Variants in ANKRD30BL observed in about 807,000 individuals in gnomAD.
ANKRD30BL encodes ankyrin repeat domain 30B like, also known as putative ankyrin repeat domain-containing protein 30B-like.
In ANKRD30BL, 20 loss-of-function variants were observed where a neutral mutation model predicts 18.4. That is an observed-to-expected ratio of 1.09 (90% confidence interval 0.77 to 1.58). The LOEUF is 1.58. Among genes scored for constraint, ANKRD30BL ranks in the 40% most tolerant of loss-of-function variants. ANKRD30BL has a pLI of 0.00. For synonymous variants in ANKRD30BL, 72 were observed against 100.9 expected (o/e 0.71, Z 1.72); for missense variants, 224 against 268.6 (o/e 0.83, Z 1.16).
At chr2:132,152,924 A>C (rs1171039288) in intron 4 of ANKRD30BL, among the ~76,000 whole-genome samples, 2 of 152,202 alleles carry the variant, frequency 1.3e-5, no homozygotes, top group Non-Finnish European at 1.5e-5. Flanking sequence ...TCTAGCTGCC[A>C]GAGTGGGGTG....
At chr2:132,221,914 G>A (rs1404891745) in intron 1 of ANKRD30BL, among the ~76,000 whole-genome samples, 2 of 127,408 alleles carry the variant, frequency 1.6e-5, no homozygotes, top group East Asian at 4.8e-4. Context: ...CTGGGAGGGA[G>A]GTGGGGGGAT....
At chr2:132,221,905 T>C (rs371462825) in intron 1 of ANKRD30BL, among the ~76,000 whole-genome samples, 6,688 of 88,678 alleles carry the variant, frequency 0.075, 792 homozygotes, top group African/African-American at 0.27. Context: ...CCGCCCCGTC[T>C]GGGAGGGAGG....
intron 1 of ANKRD30BL, among the ~76,000 whole-genome samples, chr2:132,212,641 C>T (rs1231963239): frequency 6.6e-6 from 1 of 151,344 alleles, no homozygotes; most frequent in East Asian, 1.9e-4. Flanking sequence ...ACAATCTTCA[C>T]TTAAGTACTA....
At chr2:132,148,599 T>C (rs955081961) in intron 5 of ANKRD30BL, among the ~76,000 whole-genome samples, 1 of 151,764 alleles carries the variant, frequency 6.6e-6, no homozygotes, top group African/African-American at 2.4e-5. Context: ...CAAACTCCTG[T>C]GCTCAAGCAA....
chr2:132,237,222 A>C (rs145168280), intron 1 of ANKRD30BL, among the ~76,000 whole-genome samples: 1 of 152,096 alleles, frequency 6.6e-6, no homozygotes, highest in African/African-American at 2.4e-5. Context: ...GCAAGTATAC[A>C]TATGTAACTA....
At chr2:132,202,724 T>C (rs1679132551) in intron 1 of ANKRD30BL, among the ~76,000 whole-genome samples, 1 of 152,240 alleles carries the variant, frequency 6.6e-6, no homozygotes, top group Non-Finnish European at 1.5e-5. Flanking sequence ...TATATATATA[T>C]TTGCGTACAC....
chr2:132,206,030 C>A (rs567339379), intron 1 of ANKRD30BL, among the ~76,000 whole-genome samples: 6 of 151,676 alleles, frequency 4.0e-5, no homozygotes, highest in Non-Finnish European at 8.8e-5. Context: ...TGGTGTTGGG[C>A]GCCTGTAATC....
intron 1 of ANKRD30BL, among the ~76,000 whole-genome samples, chr2:132,217,139 G>A (rs796290455): frequency 6.6e-5 from 10 of 152,154 alleles, no homozygotes; most frequent in African/African-American, 2.2e-4. Flanking sequence ...TCTTTGTGAT[G>A]TCAGCATTCC....
intron 1 of ANKRD30BL, among the ~76,000 whole-genome samples, chr2:132,192,248 G>A (rs1397036102): frequency 7.2e-5 from 11 of 152,138 alleles, no homozygotes; most frequent in Admixed American, 5.2e-4. Flanking sequence ...AGAGTGCAGG[G>A]CAGGACAGGG....
intron 1 of ANKRD30BL, among the ~76,000 whole-genome samples, chr2:132,203,990 T>C (rs10928290): frequency 1.3e-4 from 19 of 150,364 alleles, no homozygotes; most frequent in Non-Finnish European, 2.1e-4. Context: ...TAATTATGTA[T>C]TCATTGTTTT....
chr2:132,164,717 A>T (rs1054791235), upstream of ANKRD30BL, among the ~76,000 whole-genome samples: 1 of 152,138 alleles, frequency 6.6e-6, no homozygotes, highest in Non-Finnish European at 1.5e-5. Flanking sequence ...TCCCCAGAAC[A>T]CCTACTTTGT....
chr2:132,182,077 G>T (rs1367124466), intron 1 of ANKRD30BL, among the ~76,000 whole-genome samples: 3 of 151,678 alleles, frequency 2.0e-5, no homozygotes, highest in African/African-American at 7.3e-5. Context: ...TTGCACCACT[G>T]CACTCTAGCC....
At chr2:132,203,100 A>G (rs1205746581) in intron 1 of ANKRD30BL, among the ~76,000 whole-genome samples, 7 of 152,156 alleles carry the variant, frequency 4.6e-5, no homozygotes, top group Admixed American at 1.3e-4. Flanking sequence ...TCAACCACAA[A>G]CCACCCACCC....
intron 1 of ANKRD30BL, among the ~76,000 whole-genome samples, chr2:132,177,695 A>G (rs1049567506): frequency 1.3e-5 from 2 of 152,202 alleles, no homozygotes; most frequent in African/African-American, 2.4e-5. Flanking sequence ...CTGGATTTCA[A>G]TATAGCATTT....
intron 1 of ANKRD30BL, among the ~76,000 whole-genome samples, chr2:132,189,120 A>T (rs370677038): frequency 6.6e-5 from 10 of 152,350 alleles, no homozygotes; most frequent in Non-Finnish European, 7.3e-5. Context: ...CATACAATAG[A>T]AAGCCCCAGC....
intron 4 of ANKRD30BL, among the ~76,000 whole-genome samples, chr2:132,151,263 C>G (rs2104916823): frequency 6.6e-6 from 1 of 152,284 alleles, no homozygotes; most frequent in South Asian, 2.1e-4. Context: ...TAAGTCCTAG[C>G]ATGGCTACCA....
intron 1 of ANKRD30BL, among the ~76,000 whole-genome samples, chr2:132,220,177 AAATT>A (rs1186443664): frequency 3.9e-5 from 6 of 151,914 alleles, no homozygotes; most frequent in Non-Finnish European, 7.4e-5. Flanking sequence ...CCTTATATAA[AAATT>A]AGGTAGAAGC....
chr2:132,197,218 G>A (rs529921463), intron 1 of ANKRD30BL, among the ~76,000 whole-genome samples: 27 of 152,350 alleles, frequency 1.8e-4, no homozygotes, highest in African/African-American at 4.6e-4. Flanking sequence ...TATAAAACAA[G>A]TGCTGAGCAG....
At chr2:132,188,580 G>A (rs1198972642) in intron 1 of ANKRD30BL, among the ~76,000 whole-genome samples, 69 of 152,194 alleles carry the variant, frequency 4.5e-4, no homozygotes, top group South Asian at 8.3e-4. Context: ...CATGGTGGCA[G>A]GTGCCTGTAA....
Sources: gnomAD v4.1 joint callset for allele counts (sites outside exome capture counted in the v4.1 genomes callset) on GRCh38, gnomAD v4.1.1 for gene constraint, MANE v1.5 for transcripts, NCBI Gene and HGNC (gene_info 2026-07-23, HGNC 2026-07-21) for gene names.